The following PCDHAC2 variants were observed in gnomAD, a reference collection of about 807,000 sequenced individuals.
The protein encoded by PCDHAC2 is protocadherin alpha-C2.
Under a neutral mutation model 63.3 loss-of-function variants are expected in PCDHAC2, and 24 were observed. The observed-to-expected ratio is 0.38, with a 90% CI of 0.27 to 0.53. PCDHAC2 has a LOEUF of 0.53. Ranked by LOEUF, PCDHAC2 falls within the 20% of genes least tolerant of loss-of-function variation. The probability of loss-of-function intolerance (pLI) is 0.81; values close to 1 mark genes in which losing one functional copy is unlikely to be tolerated. For synonymous variants in PCDHAC2, 569 were observed against 529.4 expected (o/e 1.07, Z -1.03); for missense variants, 1,181 against 1,275.2 (o/e 0.93, Z 1.12).
In PCDHAC2 at chr5:140,970,874, G is replaced by A. The variant is rs191123160; in HGVS notation, c.2565+1543G>A. On this transcript the variant is annotated intron_variant, in intron 1 of 3. Coordinates refer to ENST00000289269, the MANE Select transcript of PCDHAC2 (RefSeq NM_018899.6). ...AAAGTTCCATTCCTGATTGAGAGTA[G>A]ATTTTTCTCATGGACATTTCAGATA... Among the ~76,000 whole-genome samples the A allele has an allele frequency of 1.6e-4, 24 of 152,250 alleles. No individual in the cohort carries two copies. The East Asian group carries it at 2.7e-3, about 17-fold the overall frequency.
In PCDHAC2 at chr5:141,002,285, A is replaced by C. The variant is rs2098070605; in HGVS notation, c.2714-7342A>C. On this transcript the variant is annotated intron_variant, in intron 3 of 3. Coordinates refer to ENST00000289269, the MANE Select transcript of PCDHAC2 (RefSeq NM_018899.6). ...CCCAGAGCTGGTAACAAAGGGATGA[A>C]TGGGGAGCAAAGGGGCGGGGCCGAA... 4.6e-5 allele frequency among the ~76,000 whole-genome samples: 7 copies of C among 152,158 alleles called. No individual in the cohort carries two copies. In the South Asian group the frequency reaches 1.4e-3, roughly 31 times the overall value.
At chr5:141,004,367 T>C (rs1281168288) in intron 3 of PCDHAC2, among the ~76,000 whole-genome samples, 5 of 152,198 alleles carry the variant, frequency 3.3e-5, no homozygotes, top group Non-Finnish European at 5.9e-5. Context: ...CCACACCTTG[T>C]TCTGCTCTGC....
intron 3 of PCDHAC2, among the ~76,000 whole-genome samples, chr5:141,000,361 GTCTCTC>G (rs148596731): frequency 0.13 from 3,495 of 26,124 alleles, 319 homozygotes; most frequent in Middle Eastern, 0.15. Context: ...GTCTCTCTCT[GTCTCTC>G]TCTCTCTCTC....
chr5:140,992,465 C>G (rs1554252929), intron 3 of PCDHAC2, among the ~76,000 whole-genome samples: 2 of 152,162 alleles, frequency 1.3e-5, no homozygotes. Flanking sequence ...GGACAGTACT[C>G]TTTAGATCAC....
rs375652776 is a variant in PCDHAC2 at position 140,968,862 on chromosome 5, G to C, written c.2096G>C (p.Arg699Pro). 3 of 1,614,126 alleles carry C rather than the reference G, an allele frequency of 1.9e-6. No homozygotes were observed. Among genetic ancestry groups the C allele is most frequent in the Middle Eastern group, 1.7e-4 (1 of 6,060 alleles). ...PDTQRHVKSPRTYSEITLYLI... is the reference protein window; with the variant it reads ...PDTQRHVKSPPTYSEITLYLI... ...ACTCAGAGGCATGTTAAGAGCCCTCGGACATACTCTGAAATTACCCTTTAT... is the reference window on the plus strand; with the variant it reads ...ACTCAGAGGCATGTTAAGAGCCCTCCGACATACTCTGAAATTACCCTTTAT... Residue 699 changes from arginine (R) to proline (P), a missense_variant, in exon 1 of 4, where the codon CGG becomes CCG. By Grantham distance (103) the Arg-to-Pro change is moderately radical (BLOSUM62 -2). Coordinates refer to ENST00000289269, the MANE Select transcript of PCDHAC2 (RefSeq NM_018899.6).
At chr5:140,980,722 A>G (rs1318137295) in intron 2 of PCDHAC2, among the ~76,000 whole-genome samples, 1 of 152,356 alleles carries the variant, frequency 6.6e-6, no homozygotes, top group South Asian at 2.1e-4. Context: ...TCGGGTTTCA[A>G]TTAAGATATT....
At chr5:140,970,758 A>T (rs1217450283) in intron 1 of PCDHAC2, among the ~76,000 whole-genome samples, 2 of 152,232 alleles carry the variant, frequency 1.3e-5, no homozygotes, top group East Asian at 3.8e-4. Flanking sequence ...ATTTTCATTG[A>T]CATATTGCTG....
chr5:140,987,122 G>A (rs1054053197), intron 3 of PCDHAC2, among the ~76,000 whole-genome samples: 2 of 151,858 alleles, frequency 1.3e-5, no homozygotes, highest in African/African-American at 4.8e-5. Context: ...GCTGAGGCAG[G>A]AGAATTGCTT....
At chr5:140,979,169 A>T (rs2096837685) in intron 2 of PCDHAC2, 162 bp downstream of exon 2, 1 of 966,312 alleles carries the variant, frequency 1.0e-6, no homozygotes, top group Admixed American at 6.2e-5. Context: ...TCCTTGAAAG[A>T]TCGCAAATGG....
At chr5:141,006,423 C>T (rs1554260738) in intron 3 of PCDHAC2, among the ~76,000 whole-genome samples, 1 of 152,060 alleles carries the variant, frequency 6.6e-6, no homozygotes, top group African/African-American at 2.4e-5. Context: ...CTGTGTTAGC[C>T]AGGATGGTCT....
chr5:140,970,657 T>C (rs1487534093), intron 1 of PCDHAC2, among the ~76,000 whole-genome samples: 1 of 152,232 alleles, frequency 6.6e-6, no homozygotes, highest in Non-Finnish European at 1.5e-5. Context: ...TGAATTGTTA[T>C]CTTTCCAAAT....
At position 141,011,407 on chromosome 5, in the gene PCDHAC2, G is replaced by A. The variant is rs782613069; in HGVS notation, c.*1470G>A. On this transcript the variant is annotated 3_prime_UTR_variant, in exon 4 of 4. Coordinates refer to ENST00000289269, the MANE Select transcript of PCDHAC2 (RefSeq NM_018899.6). ...TGAAATATACTTACTCTGTGCTTGT[G>A]TATGTGAATGTTAATGCAACTATTA... is the stretch of plus-strand genomic sequence containing the variant. The A allele has an allele frequency of 2.0e-5, 3 of 153,718 alleles. No individual in the cohort carries two copies. The highest frequency in any genetic ancestry group is 6.5e-5 in the Admixed American group (1 of 15,284). The allele number at this position is 153,718 out of a possible 1,614,324, so 9.5% of individuals were successfully genotyped here.
At chr5:140,985,531 C>T (rs542453995) in intron 3 of PCDHAC2, among the ~76,000 whole-genome samples, 102 of 152,254 alleles carry the variant, frequency 6.7e-4, no homozygotes, top group African/African-American at 1.9e-3. Context: ...TAAAGCTTCA[C>T]GGTGAAGATG....
intron 3 of PCDHAC2, among the ~76,000 whole-genome samples, chr5:141,000,510 C>G (rs1197965439): frequency 5.6e-5 from 8 of 143,864 alleles, no homozygotes; most frequent in South Asian, 4.5e-4. Context: ...TCACTGCAAC[C>G]TCCTTCTCCA....
At chr5:140,973,870 T>A (rs2153801427) in intron 1 of PCDHAC2, among the ~76,000 whole-genome samples, 1 of 152,264 alleles carries the variant, frequency 6.6e-6, no homozygotes. Flanking sequence ...CAATGAGAGG[T>A]CAGAATAATG....
rs782073950 is a variant in PCDHAC2, at chr5:140,978,950, C to G, written c.2567C>G (p.Pro856Arg). The G allele has an allele frequency of 1.2e-6, 2 of 1,614,102 alleles. No individual in the cohort carries two copies. The highest frequency in any genetic ancestry group is 1.7e-6 in the Non-Finnish European group (2 of 1,180,022). Reference sequence around the variant, plus strand: ...AAAACTCTCTTTGTGATTTTGCAGCCACGACAGCCCAACCCTGACTGGCGT... The same window carrying G: ...AAAACTCTCTTTGTGATTTTGCAGCGACGACAGCCCAACCCTGACTGGCGT... ...LKNEAVSQNE[P>R]RQPNPDWRYS... The change falls in exon 2 of 4, where the codon CCA becomes CGA. Residue 856 changes from proline to arginine, a missense_variant and splice_region_variant. This residue lies in a region of PCDHAC2 where 968 missense variants were observed against 1,073.5 expected (regional missense o/e 0.90). Coordinates refer to ENST00000289269, the MANE Select transcript of PCDHAC2 (RefSeq NM_018899.6).
intron 1 of PCDHAC2, among the ~76,000 whole-genome samples, chr5:140,975,074 G>C (rs2096653166): frequency 1.3e-5 from 2 of 152,152 alleles, no homozygotes; most frequent in South Asian, 4.1e-4. Flanking sequence ...CATTCAGATT[G>C]TTGGCAGAAT....
intron 3 of PCDHAC2, among the ~76,000 whole-genome samples, chr5:140,996,644 A>G (rs2097736322): frequency 6.6e-6 from 1 of 152,144 alleles, no homozygotes; most frequent in Non-Finnish European, 1.5e-5. Flanking sequence ...TATGTAGTTA[A>G]TCCTGGGTGC....
At chr5:141,008,440 A>T (rs545076432) in intron 3 of PCDHAC2, among the ~76,000 whole-genome samples, 196 of 152,294 alleles carry the variant, frequency 1.3e-3, no homozygotes, top group South Asian at 8.7e-3. Flanking sequence ...GCCCAGACAG[A>T]CCATTACCCT....
Sources: gnomAD v4.1 joint callset for allele counts (sites outside exome capture counted in the v4.1 genomes callset) on GRCh38, gnomAD v4.1.1 for gene constraint, gnomAD v4.1.1 regional missense constraint, MANE v1.5 for transcripts, NCBI Gene and HGNC (gene_info 2026-07-23, HGNC 2026-07-21) for gene names.